Variants in TBC1D4 observed in about 807,000 individuals in gnomAD.
TBC1D4 encodes TBC (Tre-2, BUB2, CDC16) domain-containing protein.
TBC1D4 carries 121 observed loss-of-function variants against 142.5 expected under a neutral mutation model. The observed-to-expected ratio is 0.85, with a 90% CI of 0.73 to 0.99. TBC1D4 has a LOEUF of 0.99. TBC1D4 is among the 50% of genes least tolerant of loss of function. The pLI is 0.00. For missense variants in TBC1D4, 1,475 were observed against 1,606.6 expected, an observed-to-expected ratio of 0.92 and a Z score of 1.40; for synonymous variants, 630 against 628.2, an observed-to-expected ratio of 1.00 and a Z score of -0.04.
In TBC1D4 at chr13:75,302,253, G is replaced by A. The variant is rs2297208; in HGVS notation, c.2901C>T (p.Leu967=). 0.53 allele frequency: 854,089 copies of A among 1,613,716 alleles called. 232,313 individuals are homozygous for A. Among genetic ancestry groups the A allele is most frequent in the Non-Finnish European group, 0.56 (662,629 of 1,179,802 alleles). The change falls in exon 16 of 21, where the codon CTC becomes CTT. Residue 967 remains leucine, a synonymous_variant. Coordinates refer to ENST00000377636, the MANE Select transcript of TBC1D4 (RefSeq NM_014832.5). ...KQLTAQQHAI[L]VDLGRTFPTH... is the part of the protein sequence containing the mutation. ...ACATGACAAACATACCTAAATCCAC[G>A]AGAATCGCATGCTGCTGAGCAGTGA...
At chr13:75,311,731 C>A (rs1286334239) in intron 13 of TBC1D4, among the ~76,000 whole-genome samples, 2 of 151,984 alleles carry the variant, frequency 1.3e-5, no homozygotes, top group Non-Finnish European at 2.9e-5. Flanking sequence ...TGATTTCTTT[C>A]TTTTTTTGGC....
chr13:75,429,627 AATG>A (rs1886515144), intron 1 of TBC1D4, among the ~76,000 whole-genome samples: 1 of 152,234 alleles, frequency 6.6e-6, no homozygotes, highest in African/African-American at 2.4e-5. Context: ...TTTTAATTAA[AATG>A]ATCCCAAAAA....
intron 17 of TBC1D4, among the ~76,000 whole-genome samples, chr13:75,295,975 C>G (rs1259850166): frequency 6.6e-6 from 1 of 151,958 alleles, no homozygotes; most frequent in Non-Finnish European, 1.5e-5. Flanking sequence ...TAAAAATAAC[C>G]AATTATGTTG....
Position 75,408,066 on chromosome 13 carries a change from A to C in TBC1D4, c.499-45459T>G, listed in dbSNP as rs1388398775. Among the ~76,000 whole-genome samples, 3 of 152,248 alleles carry C rather than the reference A, an allele frequency of 2.0e-5. No homozygotes were observed. The South Asian group carries it at 6.2e-4, about 32-fold the overall frequency. On this transcript the variant is annotated intron_variant, in intron 1 of 20. Transcript: ENST00000377636. ...TTGTGTGACCATCACCATCATTTTC[A>C]GCACCCCAGAAAGAACCCTGTACCC...
chr13:75,405,841 A>C (rs1885313852), intron 1 of TBC1D4, among the ~76,000 whole-genome samples: 1 of 152,228 alleles, frequency 6.6e-6, no homozygotes, highest in African/African-American at 2.4e-5. Context: ...AAAAAAATGG[A>C]AGTTTGAGTA....
intron 12 of TBC1D4, among the ~76,000 whole-genome samples, chr13:75,314,589 C>G (rs1245059013): frequency 6.6e-6 from 1 of 152,110 alleles, no homozygotes; most frequent in East Asian, 1.9e-4. Context: ...GTACTTGATA[C>G]ATATATCTCA....
chr13:75,344,917 A>C (rs1881025607), intron 5 of TBC1D4, among the ~76,000 whole-genome samples: 1 of 152,234 alleles, frequency 6.6e-6, no homozygotes, highest in African/African-American at 2.4e-5. Context: ...ATTTGTGTTT[A>C]TCTAAATGTG....
At chr13:75,425,339 G>C (rs1236238797) in intron 1 of TBC1D4, among the ~76,000 whole-genome samples, 1 of 152,148 alleles carries the variant, frequency 6.6e-6, no homozygotes, top group Non-Finnish European at 1.5e-5. Context: ...GTTAAGTGTT[G>C]GTGAGGATGT....
At chr13:75,409,909 T>A (rs1885540104) in intron 1 of TBC1D4, among the ~76,000 whole-genome samples, 1 of 152,314 alleles carries the variant, frequency 6.6e-6, no homozygotes, top group Middle Eastern at 3.4e-3. Context: ...AGGAAATGAA[T>A]TCGAATCCAA....
At chr13:75,391,960 TTC>T (rs1342623824) in intron 1 of TBC1D4, among the ~76,000 whole-genome samples, 1 of 152,156 alleles carries the variant, frequency 6.6e-6, no homozygotes, top group East Asian at 1.9e-4. Context: ...CTCTCTCGCT[TTC>T]TCTCATTCTT....
intron 12 of TBC1D4, among the ~76,000 whole-genome samples, chr13:75,318,214 C>T (rs1452160466): frequency 6.6e-6 from 1 of 152,208 alleles, no homozygotes; most frequent in Admixed American, 6.5e-5. Flanking sequence ...CACAGATATA[C>T]TTTGCACAAA....
At position 75,387,082 on chromosome 13, in the gene TBC1D4, CACTT is replaced by C. The variant is rs368525642; in HGVS notation, c.499-24479_499-24476del. On this transcript the variant is annotated intron_variant, in intron 1 of 20. Coordinates refer to ENST00000377636, the MANE Select transcript of TBC1D4 (RefSeq NM_014832.5). ...AGAAAATTTAAAATATTTATTAACT[CACTT>C]AATATAATCACAAATAATTATATAA... Among the ~76,000 whole-genome samples the C allele has an allele frequency of 1.5e-4, 23 of 152,016 alleles. No homozygotes were observed. In the South Asian group the frequency reaches 2.1e-3, roughly 14 times the overall value.
intron 1 of TBC1D4, 75 bp downstream of exon 1, chr13:75,481,195 T>TCCCCCCCCCCCCCCCCCCC: frequency 7.7e-7 from 1 of 1,292,710 alleles, no homozygotes; most frequent in Non-Finnish European, 1.1e-6. Context: ...TAAAGTGGGG[T>TCCCCCCCCCCCCCCCCCCC]CCCCGCCCCT....
chr13:75,427,428 C>G (rs1886423274), intron 1 of TBC1D4, among the ~76,000 whole-genome samples: 1 of 152,124 alleles, frequency 6.6e-6, no homozygotes, highest in Non-Finnish European at 1.5e-5. Context: ...GTAATCTCAG[C>G]CTGTGGGAGG....
At chr13:75,298,018 A>G (rs886104885) in intron 17 of TBC1D4, among the ~76,000 whole-genome samples, 2 of 152,202 alleles carry the variant, frequency 1.3e-5, no homozygotes, top group African/African-American at 4.8e-5. Context: ...ATCATTTACT[A>G]TAACGCTCAG....
At chr13:75,440,409 T>TTTA (rs1886986266) in intron 1 of TBC1D4, among the ~76,000 whole-genome samples, 1 of 151,924 alleles carries the variant, frequency 6.6e-6, no homozygotes, top group Non-Finnish European at 1.5e-5. Context: ...GTGAAGTAAT[T>TTTA]GACACAGTTA....
At chr13:75,417,388 C>G (rs1885966969) in intron 1 of TBC1D4, among the ~76,000 whole-genome samples, 1 of 152,138 alleles carries the variant, frequency 6.6e-6, no homozygotes, top group East Asian at 1.9e-4. Flanking sequence ...AGTAACACTG[C>G]CCTTTGGAGT....
At chr13:75,315,431 T>TATATATATACAC (rs1392466878) in intron 12 of TBC1D4, among the ~76,000 whole-genome samples, 3 of 149,692 alleles carry the variant, frequency 2.0e-5, no homozygotes, top group Admixed American at 6.7e-5. Context: ...CACACATATA[T>TATATATATACAC]ATATATATAT....
At chr13:75,393,741 G>A (rs1017201701) in intron 1 of TBC1D4, among the ~76,000 whole-genome samples, 3 of 152,074 alleles carry the variant, frequency 2.0e-5, no homozygotes, top group African/African-American at 7.2e-5. Flanking sequence ...CGACCAGCCT[G>A]ACCAACCCGG....
Sources: gnomAD v4.1 joint callset for allele counts (sites outside exome capture counted in the v4.1 genomes callset) on GRCh38, gnomAD v4.1.1 for gene constraint, MANE v1.5 for transcripts, NCBI Gene and HGNC (gene_info 2026-07-23, HGNC 2026-07-21) for gene names.